Variants in PTPRN2 observed in about 807,000 individuals in gnomAD.
PTPRN2 encodes the protein protein tyrosine phosphatase receptor type N2, also known as receptor-type tyrosine-protein phosphatase N2.
A neutral mutation model predicts 118.8 loss-of-function variants in PTPRN2; 74 were observed. The ratio of observed to expected loss-of-function variants is 0.62; its 90% CI spans 0.52 to 0.76. The LOEUF (loss-of-function observed/expected upper bound fraction) is 0.76, where lower values mean the gene tolerates loss of function less well. Among genes scored for constraint, PTPRN2 ranks in the 30% least tolerant of loss-of-function variants. The pLI is 0.00. For missense variants in PTPRN2, 1,481 were observed against 1,394.4 expected (o/e 1.06, Z -0.99); for synonymous variants, 641 against 608.0 (o/e 1.05, Z -0.80).
chr7:158,246,020 C>T (rs1796225608), intron 3 of PTPRN2, among the ~76,000 whole-genome samples: 1 of 151,978 alleles, frequency 6.6e-6, no homozygotes, highest in Non-Finnish European at 1.5e-5. Context: ...GGGTGCCCTC[C>T]CCACCTGCGA....
At chr7:158,521,093 C>T (rs767120095) in intron 1 of PTPRN2, among the ~76,000 whole-genome samples, 1 of 152,260 alleles carries the variant, frequency 6.6e-6, no homozygotes, top group African/African-American at 2.4e-5. Context: ...CCTGCAGACG[C>T]AGTGACTTCC....
intron 3 of PTPRN2, among the ~76,000 whole-genome samples, chr7:158,223,430 T>G (rs1828510392): frequency 6.6e-6 from 1 of 152,068 alleles, no homozygotes; most frequent in Non-Finnish European, 1.5e-5. Flanking sequence ...TACAAAATAT[T>G]AGCAAATAAA....
intron 11 of PTPRN2, among the ~76,000 whole-genome samples, chr7:157,960,834 C>T (rs1327814543): frequency 6.6e-6 from 1 of 151,840 alleles, no homozygotes; most frequent in African/African-American, 2.4e-5. Flanking sequence ...CAGCAAAACC[C>T]CGTCTCTACT....
chr7:157,662,123 G>A (rs1795920462), intron 13 of PTPRN2, among the ~76,000 whole-genome samples: 1 of 152,188 alleles, frequency 6.6e-6, no homozygotes, highest in South Asian at 2.1e-4. Flanking sequence ...AGGTCTTACT[G>A]ACTGTGTGGC....
chr7:157,755,261 G>C (rs1801713897), intron 12 of PTPRN2, among the ~76,000 whole-genome samples: 2 of 152,174 alleles, frequency 1.3e-5, no homozygotes, highest in South Asian at 4.2e-4. Flanking sequence ...GACTATTCAA[G>C]CTGTCAAAGA....
At chr7:158,337,151 C>G (rs1586351081) in intron 2 of PTPRN2, among the ~76,000 whole-genome samples, 1 of 152,190 alleles carries the variant, frequency 6.6e-6, no homozygotes, top group African/African-American at 2.4e-5. Flanking sequence ...ATACTCTCAC[C>G]ATAAGAGGTG....
In PTPRN2 at chr7:158,050,488, T is replaced by A. The variant is rs144456644; in HGVS notation, c.1723+30810A>T. Among the ~76,000 whole-genome samples, 1,073 of 152,354 alleles carry A rather than the reference T, an allele frequency of 7.0e-3. 7 individuals carry two copies. The highest frequency in any genetic ancestry group is 0.012 in the Non-Finnish European group (821 of 68,032). On this transcript the variant is annotated intron_variant, in intron 11 of 22. Transcript: ENST00000389418. The stretch of plus-strand genomic sequence containing the variant: ...CCTCTGGAAACTCCTCCTGCTGTTC[T>A]TAGAAGTCTTTCGGGCATCCAGACA...
chr7:157,569,041 T>C, intron 20 of PTPRN2, 75 bp from the exon 21 acceptor site: 1 of 1,372,374 alleles, frequency 7.3e-7, no homozygotes, highest in Non-Finnish European at 1.0e-6. Context: ...CTAGTGACAG[T>C]TCATTTCCTT....
chr7:158,417,383 C>CTGTA (rs1563267546), intron 2 of PTPRN2, among the ~76,000 whole-genome samples: 1 of 150,398 alleles, frequency 6.6e-6, no homozygotes, highest in East Asian at 2.0e-4. Context: ...CATCGAGATG[C>CTGTA]TGTAGCTTTC....
chr7:158,294,317 C>G (rs1800316382), intron 3 of PTPRN2, among the ~76,000 whole-genome samples: 1 of 152,230 alleles, frequency 6.6e-6, no homozygotes, highest in Non-Finnish European at 1.5e-5. Flanking sequence ...GACACAAAAG[C>G]TTGATTCTCA....
intron 11 of PTPRN2, among the ~76,000 whole-genome samples, chr7:158,064,093 G>T (rs1414577210): frequency 6.6e-6 from 1 of 152,176 alleles, no homozygotes; most frequent in African/African-American, 2.4e-5. Context: ...GGCCATGCAG[G>T]GGCCTGTGCC....
intron 21 of PTPRN2, among the ~76,000 whole-genome samples, chr7:157,567,563 A>G (rs1799550821): frequency 6.6e-6 from 1 of 152,052 alleles, no homozygotes; most frequent in South Asian, 2.1e-4. Context: ...AAGAAAATGA[A>G]GTAAGGAAAA....
At chr7:158,534,699 C>T (rs1363867909) in intron 1 of PTPRN2, among the ~76,000 whole-genome samples, 2 of 152,212 alleles carry the variant, frequency 1.3e-5, no homozygotes, top group African/African-American at 4.8e-5. Context: ...GCTAGCCTAC[C>T]ACGTCACACA....
rs143701966 is a variant in PTPRN2 at position 157,966,898 on chromosome 7, C to T, written c.1724-68161G>A. Among the ~76,000 whole-genome samples the T allele has an allele frequency of 2.8e-4, 42 of 152,354 alleles. No individual in the cohort carries two copies. In the East Asian group the frequency reaches 6.6e-3, roughly 24 times the overall value. ...CTGTCATCACCATCATCATCACCAT[C>T]ATCTTCATCACCACTCTCATCATCA... is the stretch of plus-strand genomic sequence containing the variant. On this transcript the variant is annotated intron_variant, in intron 11 of 22. Transcript: ENST00000389418.
At chr7:158,239,058 A>G (rs28532312) in intron 3 of PTPRN2, among the ~76,000 whole-genome samples, 114 of 152,206 alleles carry the variant, frequency 7.5e-4, no homozygotes, top group African/African-American at 2.6e-3. Flanking sequence ...CTGCCACCCG[A>G]GCCTGGTGTT....
chr7:158,454,061 ACG>A, intron 2 of PTPRN2, among the ~76,000 whole-genome samples: 4 of 145,218 alleles, frequency 2.8e-5, no homozygotes, highest in African/African-American at 5.1e-5. Context: ...ACAAGACACA[ACG>A]CACACAATCA....
chr7:157,972,839 C>A, intron 11 of PTPRN2, among the ~76,000 whole-genome samples: 1 of 149,188 alleles, frequency 6.7e-6, no homozygotes, highest in East Asian at 2.0e-4. Flanking sequence ...ACCACGAGAA[C>A]AGGGCTTCAG....
At chr7:158,026,611 C>T (rs971766297) in intron 11 of PTPRN2, among the ~76,000 whole-genome samples, 7 of 152,198 alleles carry the variant, frequency 4.6e-5, no homozygotes, top group Admixed American at 1.3e-4. Context: ...AAGACAAAAC[C>T]GAGACCCTCT....
At chr7:157,727,748 G>T (rs1343711082) in intron 12 of PTPRN2, among the ~76,000 whole-genome samples, 1 of 152,246 alleles carries the variant, frequency 6.6e-6, no homozygotes, top group Non-Finnish European at 1.5e-5. Context: ...GAGAGAACCA[G>T]AAGTGTCACG....
Sources: gnomAD v4.1 joint callset for allele counts (sites outside exome capture counted in the v4.1 genomes callset) on GRCh38, gnomAD v4.1.1 for gene constraint, MANE v1.5 for transcripts, NCBI Gene and HGNC (gene_info 2026-07-23, HGNC 2026-07-21) for gene names.